ROCK2: variants seen among roughly 807,000 people sequenced by gnomAD.
ROCK2 encodes the protein Rho associated coiled-coil containing protein kinase 2.
Under a neutral mutation model 195.1 loss-of-function variants are expected in ROCK2, and 61 were observed. That is an observed-to-expected ratio of 0.31 (90% CI 0.25 to 0.39). ROCK2 has a LOEUF of 0.39. Among genes scored for constraint, ROCK2 ranks in the 10% least tolerant of loss-of-function variants. The pLI, the probability that ROCK2 is intolerant of heterozygous loss-of-function variation, is 1.00. For missense variants in ROCK2, 1,109 were observed against 1,637.4 expected, an observed-to-expected ratio of 0.68 and a Z score of 5.57; for synonymous variants, 504 against 545.5, an observed-to-expected ratio of 0.92 and a Z score of 1.06.
chr2:11,319,258 C>A (rs1010332585), intron 1 of ROCK2, among the ~76,000 whole-genome samples: 1 of 152,084 alleles, frequency 6.6e-6, no homozygotes, highest in African/African-American at 2.4e-5. Context: ...CTTCCATTTG[C>A]TTGTATCCTC....
At chr2:11,260,222 TG>T (rs1666175884) in intron 3 of ROCK2, among the ~76,000 whole-genome samples, 1 of 150,652 alleles carries the variant, frequency 6.6e-6, no homozygotes, top group Non-Finnish European at 1.5e-5. Flanking sequence ...CTGAGGCAGG[TG>T]TATCATCTGA....
intron 4 of ROCK2, among the ~76,000 whole-genome samples, chr2:11,245,884 A>G (rs1306372883): frequency 1.3e-5 from 2 of 152,168 alleles, no homozygotes; most frequent in Admixed American, 1.3e-4. Context: ...AAAATTGGTC[A>G]CCCTTATTTT....
Position 11,201,767 on chromosome 2 carries a change from T to A in ROCK2, c.2619+285A>T, listed in dbSNP as rs568865831. Among the ~76,000 whole-genome samples, 1 of 152,332 alleles carries A rather than the reference T, an allele frequency of 6.6e-6. No homozygotes were observed. Among genetic ancestry groups the A allele is most frequent in the Non-Finnish European group, 1.5e-5 (1 of 68,022 alleles). ...AACAGGAGTTTCTACTTCATATTTT[T>A]AAAACTGATCTCAAAAAAAGCACAA... On this transcript the variant is annotated intron_variant, in intron 21 of 32. Transcript: ENST00000315872. The surrounding 1 kb of genome is among the most constrained non-coding windows in gnomAD (Gnocchi z 4.6).
chr2:11,220,667 A>G (rs1167005748), intron 9 of ROCK2, among the ~76,000 whole-genome samples: 1 of 152,126 alleles, frequency 6.6e-6, no homozygotes, highest in Non-Finnish European at 1.5e-5. Context: ...GTATGCTCAC[A>G]TTCCAAACAT....
At chr2:11,226,120 C>T (rs564586530) in intron 6 of ROCK2, among the ~76,000 whole-genome samples, 10 of 152,116 alleles carry the variant, frequency 6.6e-5, no homozygotes, top group African/African-American at 2.2e-4. Context: ...CTAATTAATT[C>T]CATATTATGT....
chr2:11,327,093 C>T (rs1253638506), intron 1 of ROCK2, among the ~76,000 whole-genome samples: 1 of 152,184 alleles, frequency 6.6e-6, no homozygotes, highest in Non-Finnish European at 1.5e-5. Context: ...TCCATCACTG[C>T]TCAACAAATG....
intron 1 of ROCK2, among the ~76,000 whole-genome samples, chr2:11,300,998 G>A (rs1213659699): frequency 6.6e-6 from 1 of 152,080 alleles, no homozygotes; most frequent in Non-Finnish European, 1.5e-5. Context: ...ACTTATGATA[G>A]TTCTCAAAAC....
chr2:11,222,231 C>T, intron 7 of ROCK2, 57 bp from the exon 8 acceptor site: 1 of 985,530 alleles, frequency 1.0e-6, no homozygotes. Flanking sequence ...AAAAGATTAA[C>T]TCTATGTCAA....
chr2:11,278,113 C>T (rs986980105), intron 3 of ROCK2, among the ~76,000 whole-genome samples: 1 of 152,136 alleles, frequency 6.6e-6, no homozygotes, highest in Admixed American at 6.5e-5. Context: ...AAAATCTATT[C>T]TTTTAGAGAT....
At chr2:11,224,751 T>C (rs1373139341) in intron 6 of ROCK2, among the ~76,000 whole-genome samples, 1 of 151,416 alleles carries the variant, frequency 6.6e-6, no homozygotes, top group Admixed American at 6.6e-5. Flanking sequence ...AGAGAGGAAA[T>C]GTTTTACTGA....
chr2:11,332,399 CA>C (rs1668795924), intron 1 of ROCK2, among the ~76,000 whole-genome samples: 1 of 152,072 alleles, frequency 6.6e-6, no homozygotes, highest in Non-Finnish European at 1.5e-5. Context: ...ACTCCTTCAC[CA>C]GTTGATTACC....
chr2:11,227,513 G>A (rs1664857247), intron 5 of ROCK2, 115 bp from the exon 6 acceptor site: 1 of 891,840 alleles, frequency 1.1e-6, no homozygotes, highest in African/African-American at 1.7e-5. Context: ...CTAACCAACA[G>A]AACTTCACTG....
intron 1 of ROCK2, 106 bp downstream of exon 1, chr2:11,343,890 G>A: frequency 1.4e-6 from 2 of 1,390,962 alleles, no homozygotes; most frequent in Non-Finnish European, 1.9e-6. Context: ...GCGGGGTGGG[G>A]CAAGACCTCC....
chr2:11,308,017 G>A, intron 1 of ROCK2: 8 of 1,557,610 alleles, frequency 5.1e-6, no homozygotes, highest in Non-Finnish European at 6.1e-6. Flanking sequence ...ACGGGGTGGG[G>A]ACCAGCCATG....
chr2:11,193,789 C>A lies in ROCK2; in HGVS notation c.3677G>T (p.Arg1226Met). Residue 1226 changes from arginine (R) to methionine (M), a missense_variant, in exon 30 of 33, where the codon AGG becomes ATG. By Grantham distance (91) the Arg-to-Met change is moderately conservative. Coordinates refer to ENST00000315872, the MANE Select transcript of ROCK2 (RefSeq NM_004850.5). ...VYRADAKEIP[R>M]IFQILYANEG... ...CAAAACTATGTTTACCTGGAATATC[C>A]TTGGAATTTCTTTAGCATCTGCTCT... The A allele has an allele frequency of 6.3e-7, 1 of 1,583,630 alleles. No homozygotes were observed. The highest frequency in any genetic ancestry group is 1.1e-5 in the South Asian group (1 of 87,316).
At chr2:11,217,345 C>T in intron 11 of ROCK2, 176 bp from the exon 12 acceptor site, 1 of 705,128 alleles carries the variant, frequency 1.4e-6, no homozygotes, top group South Asian at 1.4e-5. Context: ...AAAACTCCCC[C>T]ATCTCTTGCT....
At chr2:11,231,205 AT>A (rs973440266) in intron 5 of ROCK2, among the ~76,000 whole-genome samples, 111 of 149,064 alleles carry the variant, frequency 7.4e-4, no homozygotes, top group Non-Finnish European at 1.2e-3. Context: ...TCTTCAGGTA[AT>A]TTTTTTTTTC....
chr2:11,257,302 T>C (rs910290432), intron 3 of ROCK2, among the ~76,000 whole-genome samples: 1 of 151,166 alleles, frequency 6.6e-6, no homozygotes, highest in African/African-American at 2.5e-5. Flanking sequence ...GGCTTAGAGC[T>C]GCGGGCGACG....
At chr2:11,240,819 T>C (rs1194625574) in intron 4 of ROCK2, among the ~76,000 whole-genome samples, 1 of 152,264 alleles carries the variant, frequency 6.6e-6, no homozygotes, top group Non-Finnish European at 1.5e-5. Context: ...GTATAAAAAG[T>C]TGCATACCTC....
Sources: gnomAD v4.1 joint callset for allele counts (sites outside exome capture counted in the v4.1 genomes callset) on GRCh38, gnomAD v4.1.1 for gene constraint, Gnocchi (gnomAD v3.1) non-coding constraint, MANE v1.5 for transcripts, NCBI Gene and HGNC (gene_info 2026-07-23, HGNC 2026-07-21) for gene names.